Variants in ADAP1 observed in about 807,000 individuals in gnomAD.
ADAP1 encodes ArfGAP with dual PH domains 1, also known as arf-GAP with dual PH domain-containing protein 1.
A neutral mutation model predicts 54.9 loss-of-function variants in ADAP1; 31 were observed. The ratio of observed to expected loss-of-function variants is 0.56; its 90% CI spans 0.42 to 0.76. The LOEUF (loss-of-function observed/expected upper bound fraction) is 0.76. Among genes scored for constraint, ADAP1 ranks in the 30% least tolerant of loss-of-function variants. ADAP1 has a pLI of 0.00. For synonymous variants in ADAP1, 313 were observed against 202.6 expected (o/e 1.55, Z -4.63); for missense variants, 535 against 512.4 (o/e 1.04, Z -0.42).
In ADAP1 at chr7:954,635, G is replaced by T; in HGVS notation, c.-158C>A. 2 of 982,116 alleles carry T rather than the reference G, an allele frequency of 2.0e-6. No homozygotes were observed. Among genetic ancestry groups the T allele is most frequent in the Non-Finnish European group, 2.4e-6 (2 of 828,712 alleles). 60.8% of individuals were successfully genotyped at this position (982,116 alleles called of 1,614,324 possible). On this transcript the variant is annotated 5_prime_UTR_variant, in exon 1 of 11. Coordinates refer to ENST00000265846, the MANE Select transcript of ADAP1 (RefSeq NM_006869.4). ...GTTCCGCATTCCCGCCGCCCTCTGG[G>T]CTCCGCCGCCGCCGCTCGTGTCTCC...
At chr7:902,176 C>T (rs963482627) in intron 6 of ADAP1, among the ~76,000 whole-genome samples, 1 of 150,978 alleles carries the variant, frequency 6.6e-6, no homozygotes, top group African/African-American at 2.5e-5. Flanking sequence ...ACAAAAATTG[C>T]GGCTGGGCGC....
chr7:900,887 C>G (rs1005455467), intron 6 of ADAP1: 1 of 585,258 alleles, frequency 1.7e-6, no homozygotes, highest in South Asian at 1.5e-5. Context: ...GGCCGAAGGG[C>G]CGGGCCGGGC....
At position 954,567 on chromosome 7, in the gene ADAP1, C is replaced by T; in HGVS notation, c.-90G>A. 1 of 988,370 alleles carries T rather than the reference C, an allele frequency of 1.0e-6. No individual in the cohort carries two copies. Among genetic ancestry groups the T allele is most frequent in the Non-Finnish European group, 1.2e-6 (1 of 833,166 alleles). 61.2% of individuals were successfully genotyped at this position (988,370 alleles called of 1,614,324 possible). On this transcript the variant is annotated 5_prime_UTR_variant, in exon 1 of 11. Coordinates refer to ENST00000265846, the MANE Select transcript of ADAP1 (RefSeq NM_006869.4). ...GGGCCCCGCGCAGGCCGCCCGCCGC[C>T]GCCGCCCCTGCGCCATCCCGGGCGG...
rs751105141 is a variant in ADAP1, at chr7:899,473, C to T, written c.813G>A (p.Arg271=). ...GGTCATCCATGGTGAACCAGCGCTT[C>T]CGGAAGCCTTCCGTTTGCTGTGGGT... ...KTGPKQTEGF[R]KRWFTMDDRR... Residue 271 remains arginine, a synonymous_variant, in exon 9 of 11, where the codon CGG becomes CGA. Transcript: ENST00000265846. The T allele has an allele frequency of 1.9e-6, 3 of 1,613,124 alleles. No individual in the cohort carries two copies. Among genetic ancestry groups the T allele is most frequent in the South Asian group, 1.1e-5 (1 of 91,076 alleles).
At chr7:907,685 G>T (rs1001012756) in intron 4 of ADAP1, among the ~76,000 whole-genome samples, 1 of 152,186 alleles carries the variant, frequency 6.6e-6, no homozygotes, top group Non-Finnish European at 1.5e-5. Flanking sequence ...TTCTTCTATG[G>T]CCCTGGCTGT....
intron 4 of ADAP1, among the ~76,000 whole-genome samples, chr7:906,927 C>G (rs555307295): frequency 4.5e-4 from 68 of 152,172 alleles, no homozygotes; most frequent in South Asian, 2.1e-3. Flanking sequence ...GAGCGGGACT[C>G]CAGCTGTCCT....
chr7:936,095 G>C (rs1188890222), intron 1 of ADAP1, among the ~76,000 whole-genome samples: 1 of 152,230 alleles, frequency 6.6e-6, no homozygotes, highest in Non-Finnish European at 1.5e-5. Flanking sequence ...GCTTCACCCT[G>C]CATGTGGCCT....
chr7:900,612 A>G lies in ADAP1; in HGVS notation c.653T>C (p.Ile218Thr). The stretch of plus-strand genomic sequence containing the variant: ...TCGGAGTGCATTGAACCAGTCCACA[A>G]TCTCCTAGGGGCAAAGGTGGGCACA... ...IFIYHEDGKE[I>T]VDWFNALRAA... Residue 218 changes from isoleucine (I) to threonine (T), a missense_variant, in exon 7 of 11, where the codon ATT (isoleucine) becomes ACT (threonine). Coordinates refer to ENST00000265846, the MANE Select transcript of ADAP1 (RefSeq NM_006869.4). The G allele has an allele frequency of 2.6e-6, 4 of 1,527,824 alleles. No homozygotes were observed. Among genetic ancestry groups the G allele is most frequent in the Non-Finnish European group, 2.7e-6 (3 of 1,131,578 alleles). The allele number at this position is 1,527,824 out of a possible 1,614,324, so 94.6% of individuals were successfully genotyped here.
chr7:907,812 C>A (rs922991321), intron 4 of ADAP1, among the ~76,000 whole-genome samples: 1 of 152,150 alleles, frequency 6.6e-6, no homozygotes. Flanking sequence ...TCGAGCAGGT[C>A]CTCAGTGGGT....
intron 1 of ADAP1, among the ~76,000 whole-genome samples, chr7:947,339 G>A (rs1234758910): frequency 1.3e-5 from 2 of 151,060 alleles, no homozygotes; most frequent in East Asian, 3.9e-4. Flanking sequence ...TCACAGGTGT[G>A]AGCCACCGCG....
rs1053851835 is a variant in ADAP1, at chr7:946,586, G to A, written c.82+7810C>T. Among the ~76,000 whole-genome samples the A allele has an allele frequency of 6.7e-6, 1 of 149,502 alleles. No homozygotes were observed. Among genetic ancestry groups the A allele is most frequent in the Non-Finnish European group, 1.5e-5 (1 of 67,492 alleles). ...GCCCTCCCACCCTCTCTCCCTCCTGGTGCTCCAGCCCCATGGCGGGAACCC... is the reference window on the plus strand; with the variant it reads ...GCCCTCCCACCCTCTCTCCCTCCTGATGCTCCAGCCCCATGGCGGGAACCC... On this transcript the variant is annotated intron_variant, in intron 1 of 10. Transcript: ENST00000265846. The surrounding 1 kb of genome is among the most constrained non-coding windows in gnomAD (Gnocchi z 4.3).
chr7:926,804 G>A lies in ADAP1; in HGVS notation c.214-160C>T. On this transcript the variant is annotated intron_variant, in intron 2 of 10. Coordinates refer to ENST00000265846, the MANE Select transcript of ADAP1 (RefSeq NM_006869.4). This position sits in a 1 kb window ranked among gnomAD's most constrained non-coding sequence, Gnocchi z 4.6. ...GAACGCCACCTCCTCCTGCCCCAGG[G>A]ACACCATTTCTGAGTGATCGACCCT... 1 of 730,664 alleles carries A rather than the reference G, an allele frequency of 1.4e-6. No homozygotes were observed. The highest frequency in any genetic ancestry group is 2.1e-6 in the Non-Finnish European group (1 of 469,898). 45.3% of individuals were successfully genotyped at this position (730,664 alleles called of 1,614,324 possible).
chr7:933,577 G>A (rs1846657354), intron 2 of ADAP1, among the ~76,000 whole-genome samples: 1 of 111,722 alleles, frequency 9.0e-6, no homozygotes, highest in Admixed American at 8.2e-5. Context: ...CAGTGGTGGT[G>A]CAGAGCCGGG....
intron 4 of ADAP1, among the ~76,000 whole-genome samples, chr7:906,806 G>GACACGGGGGACATGGGTGACAC (rs1554272532): frequency 2.3e-5 from 1 of 44,398 alleles, no homozygotes; most frequent in Admixed American, 2.4e-4. Flanking sequence ...CAGGGGACAT[G>GACACGGGGGACATGGGTGACAC]GGGGGACATG....
At position 926,839 on chromosome 7, in the gene ADAP1, C is replaced by T; in HGVS notation, c.214-195G>A. ...CTGAGTGATCGACCCTCCCCTGGGA[C>T]AGGGAAGGAGCCAGCGTCCCTAACG... On this transcript the variant is annotated intron_variant, in intron 2 of 10. Transcript: ENST00000265846. This position sits in a 1 kb window ranked among gnomAD's most constrained non-coding sequence, Gnocchi z 4.6. The T allele has an allele frequency of 3.9e-6, 3 of 772,698 alleles. No individual in the cohort carries two copies. The highest frequency in any genetic ancestry group is 5.9e-6 in the Non-Finnish European group (3 of 511,658). 47.9% of individuals were successfully genotyped at this position (772,698 alleles called of 1,614,324 possible). A position where few individuals can be genotyped will look rare whatever the true frequency, so the allele number is the denominator to read the frequency against.
intron 4 of ADAP1, among the ~76,000 whole-genome samples, chr7:908,931 G>GGGGGCCCCTTCCAGCGACC (rs1426467988): frequency 2.6e-5 from 4 of 152,210 alleles, no homozygotes; most frequent in Non-Finnish European, 4.4e-5. Context: ...AGGACACAGC[G>GGGGGCCCCTTCCAGCGACC]GGGGCCCCTT....
chr7:948,369 C>T (rs568785569), intron 1 of ADAP1, among the ~76,000 whole-genome samples: 2 of 152,228 alleles, frequency 1.3e-5, no homozygotes, highest in Admixed American at 1.3e-4. Context: ...CAGAAGCGCT[C>T]CATGGTGGCC....
chr7:899,115 G>C lies in ADAP1; in HGVS notation c.1014C>G (p.Cys338Trp). 1.2e-6 allele frequency: 2 copies of C among 1,608,824 alleles called. No individual in the cohort carries two copies. Among genetic ancestry groups the C allele is most frequent in the Non-Finnish European group, 1.7e-6 (2 of 1,179,944 alleles). ...VTPDRKFLFA[C>W]ETESDQREWV... ...ACTCCCTCTGGTCGGACTCCGTCTC[G>C]CAGGCAAACAGAAACTTGCGGTCGG... Residue 338 changes from cysteine to tryptophan, a missense_variant, in exon 10 of 11, where the codon TGC (cysteine) becomes TGG (tryptophan). Transcript: ENST00000265846.
At chr7:905,216 G>T (rs759064948) in intron 4 of ADAP1, 44 bp from the exon 5 acceptor site, 4 of 1,515,262 alleles carry the variant, frequency 2.6e-6, no homozygotes, top group African/African-American at 1.4e-5. Flanking sequence ...TGGATGGGGG[G>T]GAGGAAACAA....
Sources: gnomAD v4.1 joint callset for allele counts (sites outside exome capture counted in the v4.1 genomes callset) on GRCh38, gnomAD v4.1.1 for gene constraint, Gnocchi (gnomAD v3.1) non-coding constraint, MANE v1.5 for transcripts, NCBI Gene and HGNC (gene_info 2026-07-23, HGNC 2026-07-21) for gene names.